Variants in LINGO2 observed in about 807,000 individuals in gnomAD.
LINGO2 encodes the protein leucine-rich repeat and immunoglobulin-like domain-containing nogo receptor-interacting protein 2.
LINGO2 carries 14 observed loss-of-function variants against 30.6 expected under a neutral mutation model. The observed-to-expected ratio is 0.46, with a 90% CI of 0.30 to 0.72. The LOEUF is 0.72. Among genes scored for constraint, LINGO2 ranks in the 30% least tolerant of loss-of-function variants. LINGO2 has a pLI of 0.07. For missense variants in LINGO2, 729 were observed against 751.7 expected (o/e 0.97, Z 0.35); for synonymous variants, 317 against 288.5 (o/e 1.10, Z -1.00).
Position 28,233,061 on chromosome 9 carries a change from T to TATATATAA in LINGO2, c.-87+62146_-87+62147insTTATATAT, listed in dbSNP as rs60875467. On this transcript the variant is annotated intron_variant, in intron 4 of 5. Coordinates refer to ENST00000379992, the Ensembl canonical transcript of LINGO2. ...ATATATATATATATATATATATATA[T>TATATATAA]TAGATATATAATAGATATACAGTAA... 7.9e-3 allele frequency among the ~76,000 whole-genome samples: 940 copies of TATATATAA among 118,752 alleles called. 33 individuals are homozygous for TATATATAA. The highest frequency in any genetic ancestry group is 0.031 in the African/African-American group (855 of 27,886). The allele number at this position is 118,752 out of a possible 152,430, so 77.9% of individuals were successfully genotyped here.
intron 4 of LINGO2, among the ~76,000 whole-genome samples, chr9:28,124,732 C>G (rs1445085798): frequency 1.2e-4 from 19 of 152,078 alleles, no homozygotes; most frequent in Non-Finnish European, 2.6e-4. Flanking sequence ...TAGTAATGTT[C>G]TGGGACATAG....
the LINGO2 span, among the ~76,000 whole-genome samples, chr9:29,193,859 C>G: frequency 1.3e-5 from 2 of 152,224 alleles, no homozygotes; most frequent in Non-Finnish European, 2.9e-5. Flanking sequence ...TGCTATGGGC[C>G]ATGCACCCAT....
chr9:29,094,143 G>A, the LINGO2 span, among the ~76,000 whole-genome samples: 2 of 138,600 alleles, frequency 1.4e-5, no homozygotes, highest in Non-Finnish European at 3.1e-5. Context: ...AAAACATTTT[G>A]TCATTAAACA....
At chr9:28,158,803 G>T (rs1395981763) in intron 4 of LINGO2, among the ~76,000 whole-genome samples, 2 of 152,200 alleles carry the variant, frequency 1.3e-5, no homozygotes, top group Non-Finnish European at 2.9e-5. Context: ...ATCTGACTGT[G>T]CATTCACAAT....
chr9:28,928,132 G>T, the LINGO2 span, among the ~76,000 whole-genome samples: 3 of 152,186 alleles, frequency 2.0e-5, no homozygotes, highest in East Asian at 5.8e-4. Flanking sequence ...ACAAGCCACA[G>T]AATTAGTATT....
chr9:28,633,956 A>G (rs2135895976), intron 1 of LINGO2, among the ~76,000 whole-genome samples: 2 of 152,322 alleles, frequency 1.3e-5, no homozygotes, highest in Non-Finnish European at 2.9e-5. Flanking sequence ...TTACTCTGTC[A>G]TAGCTTCCTG....
chr9:28,873,831 A>G, the LINGO2 span, among the ~76,000 whole-genome samples: 1 of 152,092 alleles, frequency 6.6e-6, no homozygotes, highest in Non-Finnish European at 1.5e-5. Flanking sequence ...TCTGTAGAAG[A>G]GCATAATGTA....
At chr9:28,512,162 C>G (rs997806921) in intron 1 of LINGO2, among the ~76,000 whole-genome samples, 4 of 152,074 alleles carry the variant, frequency 2.6e-5, no homozygotes, top group African/African-American at 9.7e-5. Flanking sequence ...TGCTGCTGTG[C>G]ATGAGCCACT....
chr9:28,255,258 C>T (rs893337126), intron 4 of LINGO2, among the ~76,000 whole-genome samples: 1 of 151,766 alleles, frequency 6.6e-6, no homozygotes, highest in Admixed American at 6.6e-5. Flanking sequence ...AATTATTTCG[C>T]TATTTCTAGG....
chr9:28,164,232 C>G (rs1320430527), intron 4 of LINGO2, among the ~76,000 whole-genome samples: 1 of 152,150 alleles, frequency 6.6e-6, no homozygotes, highest in Admixed American at 6.6e-5. Flanking sequence ...ACCCAGGATT[C>G]ATGTTCTTTT....
chr9:28,750,308 G>C, the LINGO2 span, among the ~76,000 whole-genome samples: 1 of 152,142 alleles, frequency 6.6e-6, no homozygotes, highest in Non-Finnish European at 1.5e-5. Flanking sequence ...ATATTCTGCA[G>C]ATGTAGGAAT....
intron 1 of LINGO2, among the ~76,000 whole-genome samples, chr9:28,626,324 T>C (rs1370615362): frequency 3.3e-5 from 5 of 152,114 alleles, no homozygotes; most frequent in Non-Finnish European, 4.4e-5. Context: ...AGATAAGTAT[T>C]GTAATTTTTT....
chr9:28,904,672 A>T, the LINGO2 span, among the ~76,000 whole-genome samples: 1 of 152,084 alleles, frequency 6.6e-6, no homozygotes, highest in Admixed American at 6.6e-5. Flanking sequence ...ACTCAAAAGT[A>T]TAAAATACTA....
intron 2 of LINGO2, among the ~76,000 whole-genome samples, chr9:28,402,486 T>C (rs988553325): frequency 6.6e-6 from 1 of 151,928 alleles, no homozygotes; most frequent in Non-Finnish European, 1.5e-5. Flanking sequence ...CATCAATGAT[T>C]TTACAACTTT....
chr9:28,909,591 C>T, the LINGO2 span, among the ~76,000 whole-genome samples: 5 of 151,960 alleles, frequency 3.3e-5, no homozygotes, highest in South Asian at 6.2e-4. Flanking sequence ...TAACTGTAAA[C>T]GTATGTCAAT....
upstream of LINGO2, among the ~76,000 whole-genome samples, chr9:28,671,728 A>C (rs1049998285): frequency 3.3e-5 from 5 of 152,010 alleles, no homozygotes; most frequent in East Asian, 7.8e-4. Context: ...CAAGAAGCCC[A>C]TGTGACACGC....
chr9:29,097,845 G>A, the LINGO2 span, among the ~76,000 whole-genome samples: 10 of 138,436 alleles, frequency 7.2e-5, 1 homozygote, highest in Admixed American at 3.7e-4. Context: ...TCTGATTTAC[G>A]AGGAATGCAG....
chr9:28,166,654 G>T (rs1001081957), intron 4 of LINGO2, among the ~76,000 whole-genome samples: 1 of 151,914 alleles, frequency 6.6e-6, no homozygotes, highest in African/African-American at 2.4e-5. Flanking sequence ...TGTAGAACTT[G>T]TACAAATGTC....
chr9:28,487,616 TA>T (rs891856202), intron 1 of LINGO2, among the ~76,000 whole-genome samples: 1 of 152,150 alleles, frequency 6.6e-6, no homozygotes, highest in African/African-American at 2.4e-5. Context: ...AAAGGTTGAA[TA>T]AAGTGTATAC....
Sources: gnomAD v4.1 joint callset for allele counts (sites outside exome capture counted in the v4.1 genomes callset) on GRCh38, gnomAD v4.1.1 for gene constraint, MANE v1.5 for transcripts, NCBI Gene and HGNC (gene_info 2026-07-23, HGNC 2026-07-21) for gene names.